DPP6: variants seen among roughly 807,000 people sequenced by gnomAD.
The protein encoded by DPP6 is A-type potassium channel modulatory protein DPP6.
A neutral mutation model predicts 122.6 loss-of-function variants in DPP6; 69 were observed. The observed-to-expected ratio is 0.56, with a 90% CI of 0.46 to 0.69. The LOEUF (loss-of-function observed/expected upper bound fraction) is 0.69, where lower values mean the gene tolerates loss of function less well. Among genes scored for constraint, DPP6 ranks in the 30% least tolerant of loss-of-function variants. The probability of loss-of-function intolerance (pLI) is 0.00; values close to 1 mark genes in which losing one functional copy is unlikely to be tolerated. For synonymous variants in DPP6, 418 were observed against 433.1 expected, an observed-to-expected ratio of 0.97 and a Z score of 0.43; for missense variants, 928 against 1,116.9, an observed-to-expected ratio of 0.83 and a Z score of 2.41.
chr7:154,412,106 T>A (rs1024941450), intron 1 of DPP6, among the ~76,000 whole-genome samples: 1 of 152,108 alleles, frequency 6.6e-6, no homozygotes. Flanking sequence ...GTGAGAGAGC[T>A]CTGTGGGGTC....
At position 154,365,706 on chromosome 7, in the gene DPP6, T is replaced by C. The variant is rs376625735; in HGVS notation, c.244-80508T>C. 5.7e-4 allele frequency among the ~76,000 whole-genome samples: 86 copies of C among 151,508 alleles called. 1 individual carries two copies. Among genetic ancestry groups the C allele is most frequent in the Admixed American group, 1.3e-3 (20 of 15,228 alleles). ...CGGTGGCTCATGCCTGTAATCCCAG[T>C]ACTTTGGGAGGCCGAGGCGGGCGGA... is the stretch of plus-strand genomic sequence containing the variant. On this transcript the variant is annotated intron_variant, in intron 1 of 25. Coordinates refer to ENST00000377770, the MANE Select transcript of DPP6 (RefSeq NM_130797.4).
At chr7:154,429,844 G>A (rs943060520) in intron 1 of DPP6, among the ~76,000 whole-genome samples, 14 of 152,120 alleles carry the variant, frequency 9.2e-5, no homozygotes, top group African/African-American at 3.1e-4. Flanking sequence ...AATGCAGGTC[G>A]CGCTCGTCAC....
At chr7:154,638,868 C>T (rs756269080) in intron 6 of DPP6, among the ~76,000 whole-genome samples, 2 of 152,202 alleles carry the variant, frequency 1.3e-5, no homozygotes, top group Non-Finnish European at 2.9e-5. Context: ...TCCTGTTCCC[C>T]ACCTCATGTT....
At chr7:154,381,641 C>T (rs10237912) in intron 1 of DPP6, among the ~76,000 whole-genome samples, 428 of 152,082 alleles carry the variant, frequency 2.8e-3, no homozygotes, top group African/African-American at 9.7e-3. Context: ...ACTTATGATC[C>T]GAAAAATGCT....
At chr7:154,537,481 T>G (rs1007011378) in intron 3 of DPP6, among the ~76,000 whole-genome samples, 6 of 152,080 alleles carry the variant, frequency 3.9e-5, no homozygotes, top group African/African-American at 1.4e-4. Flanking sequence ...TGAAAATAAC[T>G]TGTAAGGTTA....
At chr7:154,820,315 C>T (rs944541890) in intron 16 of DPP6, among the ~76,000 whole-genome samples, 4 of 152,096 alleles carry the variant, frequency 2.6e-5, no homozygotes, top group Non-Finnish European at 4.4e-5. Flanking sequence ...AAATATCCTC[C>T]GAGAGATTCC....
chr7:154,646,434 C>T (rs1276720774), intron 6 of DPP6, among the ~76,000 whole-genome samples: 2 of 152,166 alleles, frequency 1.3e-5, no homozygotes, highest in Non-Finnish European at 1.5e-5. Context: ...CCCACACATG[C>T]GCACTACAGA....
chr7:154,737,712 G>A (rs1395094260), intron 8 of DPP6, among the ~76,000 whole-genome samples: 2 of 152,156 alleles, frequency 1.3e-5, no homozygotes, highest in Non-Finnish European at 2.9e-5. Context: ...TATGAAATTA[G>A]GCTTGGGTCC....
chr7:154,399,659 A>T (rs1233689528), intron 1 of DPP6, among the ~76,000 whole-genome samples: 1 of 152,192 alleles, frequency 6.6e-6, no homozygotes, highest in Non-Finnish European at 1.5e-5. Context: ...TGCCATGGAA[A>T]AGAAGTCTGT....
chr7:154,854,134 C>T (rs1352792012), intron 17 of DPP6, among the ~76,000 whole-genome samples: 1 of 152,196 alleles, frequency 6.6e-6, no homozygotes, highest in Non-Finnish European at 1.5e-5. Context: ...TTTGTAGCCT[C>T]ACATGAGTCC....
chr7:154,073,320 G>T (rs1247780869), intron 1 of DPP6, among the ~76,000 whole-genome samples: 7 of 152,132 alleles, frequency 4.6e-5, no homozygotes, highest in African/African-American at 1.7e-4. Context: ...ATGCCCTTTA[G>T]TGGGGGAACT....
At chr7:153,837,713 G>A in the DPP6 span, among the ~76,000 whole-genome samples, 11 of 151,954 alleles carry the variant, frequency 7.2e-5, no homozygotes, top group South Asian at 4.2e-4. Flanking sequence ...GTTTTGAGAC[G>A]GATTCACTCT....
intron 1 of DPP6, among the ~76,000 whole-genome samples, chr7:154,389,429 G>T (rs1305441516): frequency 7.0e-6 from 1 of 142,770 alleles, no homozygotes; most frequent in Non-Finnish European, 1.5e-5. Context: ...AAGTGCTTCT[G>T]ATTTCAAGAA....
intron 1 of DPP6, among the ~76,000 whole-genome samples, chr7:154,249,584 G>A (rs1802217363): frequency 6.6e-6 from 1 of 152,096 alleles, no homozygotes; most frequent in Non-Finnish European, 1.5e-5. Context: ...AGTGTTTCAG[G>A]GATTTTGTTT....
At chr7:153,990,161 G>T (rs1797092973) in intron 1 of DPP6, among the ~76,000 whole-genome samples, 1 of 35,810 alleles carries the variant, frequency 2.8e-5, no homozygotes, top group South Asian at 1.3e-3. Flanking sequence ...AGACAGTTTT[G>T]CCCCTTGCCA....
rs552203008 is a variant in DPP6, at chr7:153,976,654, G to T, written c.51+88920G>T. Reference sequence around the variant, plus strand: ...GAATCAGGTTGGGAGGGCAAGAAATGATTTTCATGAAGAAGGAAGAAAATG... The same window carrying T: ...GAATCAGGTTGGGAGGGCAAGAAATTATTTTCATGAAGAAGGAAGAAAATG... On this transcript the variant is annotated intron_variant, in intron 1 of 25. Transcript: ENST00000404039. 2.6e-5 allele frequency among the ~76,000 whole-genome samples: 4 copies of T among 152,354 alleles called. No homozygotes were observed. The East Asian group carries it at 7.7e-4, about 29-fold the overall frequency.
intron 1 of DPP6, among the ~76,000 whole-genome samples, chr7:153,895,596 A>G (rs1392237263): frequency 1.7e-4 from 25 of 147,548 alleles, no homozygotes; most frequent in Admixed American, 1.7e-3. Context: ...TATACGGGGA[A>G]AACAAATAGA....
At position 154,756,308 on chromosome 7, in the gene DPP6, G is replaced by A. The variant is rs138208660; in HGVS notation, c.884-13109G>A. On this transcript the variant is annotated intron_variant, in intron 8 of 25. Coordinates refer to ENST00000377770, the MANE Select transcript of DPP6 (RefSeq NM_130797.4). Reference sequence around the variant, plus strand: ...TCGTGCTGGGCTCATCTTCCCTTGCGGCTTCCTCTGCTCCCTCAGTTGGGC... The same window carrying A: ...TCGTGCTGGGCTCATCTTCCCTTGCAGCTTCCTCTGCTCCCTCAGTTGGGC... Among the ~76,000 whole-genome samples, 844 of 152,236 alleles carry A rather than the reference G, an allele frequency of 5.5e-3. 6 individuals are homozygous for A. Among genetic ancestry groups the A allele is most frequent in the African/African-American group, 0.019 (786 of 41,538 alleles).
intron 1 of DPP6, among the ~76,000 whole-genome samples, chr7:154,060,300 C>G (rs1343826217): frequency 1.4e-5 from 2 of 138,836 alleles, no homozygotes; most frequent in East Asian, 4.1e-4. Flanking sequence ...CCCTCTTCCC[C>G]CCCTGGCTCT....
Sources: allele counts gnomAD v4.1 joint callset (sites outside exome capture counted in the v4.1 genomes callset), GRCh38; gene constraint gnomAD v4.1.1; transcripts MANE v1.5; gene names NCBI Gene and HGNC (gene_info 2026-07-23, HGNC 2026-07-21).